Variants in STAB2 observed in about 807,000 individuals in gnomAD.
The protein encoded by STAB2 is stabilin-2.
Under a neutral mutation model 338.1 loss-of-function variants are expected in STAB2, and 288 were observed. The ratio of observed to expected loss-of-function variants is 0.85; its 90% CI spans 0.77 to 0.94. The LOEUF (loss-of-function observed/expected upper bound fraction) is 0.94. STAB2 is among the 40% of genes least tolerant of loss of function. The probability of loss-of-function intolerance (pLI) is 0.00; values close to 1 mark genes in which losing one functional copy is unlikely to be tolerated. For missense variants in STAB2, 3,141 were observed against 3,210.1 expected (o/e 0.98, Z 0.52); for synonymous variants, 1,202 against 1,193.3 (o/e 1.01, Z -0.15).
chr12:103,764,677 A>G (rs1398123534), intron 68 of STAB2, among the ~76,000 whole-genome samples: 1 of 152,200 alleles, frequency 6.6e-6, no homozygotes, highest in Admixed American at 6.5e-5. Flanking sequence ...AATCAAGGTA[A>G]ATATCTTGTG....
intron 44 of STAB2, among the ~76,000 whole-genome samples, chr12:103,718,665 T>C (rs965657070): frequency 1.3e-5 from 2 of 152,192 alleles, no homozygotes; most frequent in Non-Finnish European, 2.9e-5. Flanking sequence ...TCAACTTAAC[T>C]CACTTATTTC....
chr12:103,705,963 TGA>T (rs1879313902), intron 37 of STAB2, among the ~76,000 whole-genome samples: 1 of 152,084 alleles, frequency 6.6e-6, no homozygotes, highest in Admixed American at 6.5e-5. Context: ...TGAAAAAAAC[TGA>T]GAGTCCGAGA....
chr12:103,706,745 C>T, intron 37 of STAB2, 47 bp from the exon 38 acceptor site: 1 of 1,610,462 alleles, frequency 6.2e-7, no homozygotes, highest in Non-Finnish European at 8.5e-7. Flanking sequence ...GGCTGGACAA[C>T]ACCAGAGGAT....
rs970424895 is a variant in STAB2, at chr12:103,731,540, G to A, written c.5224-36G>A. The A allele has an allele frequency of 5.0e-6, 8 of 1,608,816 alleles. No homozygotes were observed. In the Admixed American group the frequency reaches 1.2e-4, roughly 24 times the overall value. On this transcript the variant is annotated intron_variant, in intron 49 of 68. Transcript: ENST00000388887. Reference sequence around the variant, plus strand: ...GTTAAATTCCTCTTAAACTGTATAAGGAAAAGTTTCATGCCCATTCTTATT... The same window carrying A: ...GTTAAATTCCTCTTAAACTGTATAAAGAAAAGTTTCATGCCCATTCTTATT...
In STAB2 at chr12:103,766,273, C is replaced by A; in HGVS notation, c.7606-13C>A. ...CAGAATGCCCTGCCCCCTTACAACCCTCTCTTTTCCAGGACTCTGAAGAAC... is the reference window on the plus strand; with the variant it reads ...CAGAATGCCCTGCCCCCTTACAACCATCTCTTTTCCAGGACTCTGAAGAAC... On this transcript the variant is annotated splice_polypyrimidine_tract_variant and intron_variant, in intron 68 of 68. Coordinates refer to ENST00000388887, the MANE Select transcript of STAB2 (RefSeq NM_017564.10). 6.2e-7 allele frequency: 1 copy of A among 1,614,014 alleles called. No individual in the cohort carries two copies. The highest frequency in any genetic ancestry group is 2.2e-5 in the East Asian group (1 of 44,886).
chr12:103,669,517 G>A, intron 20 of STAB2, 24 bp from the exon 21 acceptor site: 10 of 1,604,374 alleles, frequency 6.2e-6, no homozygotes, highest in Non-Finnish European at 8.5e-6. Context: ...GGGTTCAAAG[G>A]GGAACACGCA....
chr12:103,742,538 C>A lies in STAB2; in HGVS notation c.6015C>A (p.Phe2005Leu), dbSNP rs2292688. 1 of 1,613,970 alleles carries A rather than the reference C, an allele frequency of 6.2e-7. No homozygotes were observed. The highest frequency in any genetic ancestry group is 1.1e-5 in the South Asian group (1 of 91,066). Residue 2005 changes from phenylalanine (F) to leucine (L), a missense_variant, in exon 56 of 69, where the codon TTC becomes TTA. Phe to Leu is a conservative substitution (Grantham distance 22, BLOSUM62 0). Transcript: ENST00000388887. ...GTGAGATGTGCTGGCCGGGGAGATT[C>A]GGGCCTGATTGTCTGCGTATGTGGC... is the stretch of plus-strand genomic sequence containing the variant. ...TACEMCWPGR[F>L]GPDCLPCGCS...
chr12:103,742,137 TTACTC>T (rs1159744237), intron 55 of STAB2, among the ~76,000 whole-genome samples: 1 of 152,182 alleles, frequency 6.6e-6, no homozygotes, highest in Non-Finnish European at 1.5e-5. Flanking sequence ...AGCAAGTTCA[TTACTC>T]AACCCAGATA....
At chr12:103,709,761 G>A (rs150757105) in intron 39 of STAB2, among the ~76,000 whole-genome samples, 6 of 152,338 alleles carry the variant, frequency 3.9e-5, no homozygotes, top group African/African-American at 1.2e-4. Flanking sequence ...GATGTCAAAT[G>A]TCAGGGTACA....
At chr12:103,745,427 C>T (rs1050221146) in intron 57 of STAB2, 150 bp downstream of exon 57, 11 of 661,862 alleles carry the variant, frequency 1.7e-5, no homozygotes, top group South Asian at 2.1e-5. Flanking sequence ...TCTGTAGCCC[C>T]GGGCCTCAGG....
At chr12:103,659,642 A>G (rs7315384) in intron 15 of STAB2, among the ~76,000 whole-genome samples, 1 of 151,792 alleles carries the variant, frequency 6.6e-6, no homozygotes, top group Non-Finnish European at 1.5e-5. Flanking sequence ...GTGTTCCTCA[A>G]CTCTGCAGCC....
In STAB2 at chr12:103,620,484, G is replaced by A. The variant is rs750794937; in HGVS notation, c.348G>A (p.Ala116=). The change falls in exon 4 of 69, where the codon GCG becomes GCA. Residue 116 remains alanine, a synonymous_variant. Coordinates refer to ENST00000388887, the MANE Select transcript of STAB2 (RefSeq NM_017564.10). The part of the protein sequence containing the change: ...GPDCIECPGG[A]GSPCNGRGSC... ...ATTCCCTAGAGTGCCCAGGTGGAGC[G>A]GGGTCACCCTGCAATGGCAGAGGCA... The A allele has an allele frequency of 2.5e-5, 40 of 1,583,828 alleles. No individual in the cohort carries two copies. Among genetic ancestry groups the A allele is most frequent in the East Asian group, 1.2e-4 (5 of 43,460 alleles).
intron 51 of STAB2, among the ~76,000 whole-genome samples, chr12:103,734,163 TAGG>T (rs1467981163): frequency 2.5e-5 from 3 of 122,068 alleles, no homozygotes; most frequent in Admixed American, 9.6e-5. Context: ...CACAGTCTCA[TAGG>T]AGCAAGCACG....
chr12:103,626,446 C>A (rs1040833422), intron 5 of STAB2, among the ~76,000 whole-genome samples: 1 of 152,174 alleles, frequency 6.6e-6, no homozygotes, highest in Non-Finnish European at 1.5e-5. Flanking sequence ...TTCCCTAAAC[C>A]TTTCTCATCT....
chr12:103,690,248 T>C (rs527787249), intron 29 of STAB2, among the ~76,000 whole-genome samples, 176 bp from the exon 30 acceptor site: 1 of 152,354 alleles, frequency 6.6e-6, no homozygotes, highest in East Asian at 1.9e-4. Context: ...TTTACAGATA[T>C]GGAAACCAAA....
chr12:103,698,919 C>T (rs556145805), intron 33 of STAB2, among the ~76,000 whole-genome samples, 177 bp from the exon 34 acceptor site: 24 of 152,148 alleles, frequency 1.6e-4, no homozygotes, highest in Non-Finnish European at 7.3e-5. Context: ...TCTCTGAAGC[C>T]ATCTGTTTCA....
intron 3 of STAB2, 135 bp from the exon 4 acceptor site, chr12:103,620,333 T>G: frequency 1.3e-6 from 1 of 753,036 alleles, no homozygotes; most frequent in Non-Finnish European, 2.1e-6. Context: ...TGTAAAACCC[T>G]AGATGACACC....
rs12303754 is a variant in STAB2 at position 103,651,747 on chromosome 12, G to A, written c.1258-809G>A. ...AAATGATGGAAGCCAATAAAAGATT[G>A]AAATCTGGGAAGTGGGAAAAAATAA... On this transcript the variant is annotated intron_variant, in intron 11 of 68. Coordinates refer to ENST00000388887, the MANE Select transcript of STAB2 (RefSeq NM_017564.10). Among the ~76,000 whole-genome samples, 421 of 152,278 alleles carry A rather than the reference G, an allele frequency of 2.8e-3. 2 individuals carry two copies. Among genetic ancestry groups the A allele is most frequent in the African/African-American group, 9.9e-3 (412 of 41,564 alleles).
At chr12:103,670,899 A>T (rs572847047) in intron 22 of STAB2, 92 bp downstream of exon 22, 57 of 1,030,584 alleles carry the variant, frequency 5.5e-5, no homozygotes, top group Non-Finnish European at 8.0e-5. Context: ...GTGTCTCAGG[A>T]CCCCTTTGCT....
Sources: allele counts gnomAD v4.1 joint callset (sites outside exome capture counted in the v4.1 genomes callset), GRCh38; gene constraint gnomAD v4.1.1; transcripts MANE v1.5; gene names NCBI Gene and HGNC (gene_info 2026-07-23, HGNC 2026-07-21).